The following STAG1 variants were observed in gnomAD, a reference collection of about 807,000 sequenced individuals.
STAG1 encodes the protein STAG1 cohesin complex component, also known as cohesin subunit SA-1.
A neutral mutation model predicts 170.9 loss-of-function variants in STAG1; 26 were observed. The observed-to-expected ratio is 0.15, with a 90% CI of 0.11 to 0.21. STAG1 has a LOEUF of 0.21. Among genes scored for constraint, STAG1 ranks in the 10% least tolerant of loss-of-function variants. The probability of loss-of-function intolerance (pLI) is 1.00; values close to 1 mark genes in which losing one functional copy is unlikely to be tolerated. For synonymous variants in STAG1, 514 were observed against 497.7 expected, an observed-to-expected ratio of 1.03 and a Z score of -0.44; for missense variants, 964 against 1,509.5, an observed-to-expected ratio of 0.64 and a Z score of 5.99.
In STAG1 at chr3:136,392,730, C is replaced by A. The variant is rs183026362; in HGVS notation, c.2277+6019G>T. ...GCAGTGAGCCGAGATTGTGCAACTGCATTCCACCCTGGGTGACAGAGCCAG... is the reference window on the plus strand; with the variant it reads ...GCAGTGAGCCGAGATTGTGCAACTGAATTCCACCCTGGGTGACAGAGCCAG... On this transcript the variant is annotated intron_variant, in intron 22 of 33. Transcript: ENST00000383202. Among the ~76,000 whole-genome samples, 104 of 134,450 alleles carry A rather than the reference C, an allele frequency of 7.7e-4. 1 individual carries two copies. The East Asian group carries it at 0.019, about 24-fold the overall frequency. 88.2% of individuals were successfully genotyped at this position (134,450 alleles called of 152,430 possible).
chr3:136,562,898 T>C (rs2107753809), intron 5 of STAG1, among the ~76,000 whole-genome samples: 1 of 152,336 alleles, frequency 6.6e-6, no homozygotes, highest in East Asian at 1.9e-4. Flanking sequence ...TTTCTGACTA[T>C]TTCATGACAC....
In STAG1 at chr3:136,427,228, C is replaced by CA. The variant is rs1207772784; in HGVS notation, c.1651-4185dup. On this transcript the variant is annotated intron_variant, in intron 16 of 33. Transcript: ENST00000383202. ...TGGGCAACAGAGCGAGACTCCAACTCAAAAAAAAAAAAAAGATATAGTATT... is the reference window on the plus strand; with the variant it reads ...TGGGCAACAGAGCGAGACTCCAACTCAAAAAAAAAAAAAAAGATATAGTATT... Among the ~76,000 whole-genome samples, 430 of 110,046 alleles carry CA rather than the reference C, an allele frequency of 3.9e-3. 3 individuals carry two copies. In the Middle Eastern group the frequency reaches 0.061, roughly 16 times the overall value. The allele number at this position is 110,046 out of a possible 152,430, so 72.2% of individuals were successfully genotyped here. A position where few individuals can be genotyped will look rare whatever the true frequency, so the allele number is the denominator to read the frequency against.
chr3:136,537,777 C>T (rs897989491), intron 6 of STAG1, among the ~76,000 whole-genome samples: 10 of 151,936 alleles, frequency 6.6e-5, no homozygotes, highest in South Asian at 2.1e-4. Flanking sequence ...ATTATAGGTA[C>T]GAGTCACTGC....
At chr3:136,402,128 A>G (rs2087344857) in intron 21 of STAG1, among the ~76,000 whole-genome samples, 1 of 152,186 alleles carries the variant, frequency 6.6e-6, no homozygotes, top group African/African-American at 2.4e-5. Context: ...AAAGGTAAAC[A>G]TATGTAGATA....
intron 4 of STAG1, among the ~76,000 whole-genome samples, chr3:136,584,471 C>T (rs1377709601): frequency 6.6e-6 from 1 of 152,160 alleles, no homozygotes; most frequent in Admixed American, 6.6e-5. Flanking sequence ...GCCTTTAGGA[C>T]CCTTGCCAGG....
chr3:136,443,393 A>G lies in STAG1; in HGVS notation c.1440T>C (p.His480=). 2 of 1,608,462 alleles carry G rather than the reference A, an allele frequency of 1.2e-6. No individual in the cohort carries two copies. The highest frequency in any genetic ancestry group is 1.7e-6 in the Non-Finnish European group (2 of 1,177,804). The change falls in exon 15 of 34, where the codon CAT becomes CAC. Residue 480 remains histidine, a synonymous_variant. Coordinates refer to ENST00000383202, the MANE Select transcript of STAG1 (RefSeq NM_005862.3). ...LFFLESELHE[H]AAYLVDSLWE... ...ATAAACTGTCCACCAAGTAGGCTGC[A>G]TGTTCATGTAACTAAAAAGAAAAAA...
At chr3:136,420,848 C>T (rs948953913) in intron 20 of STAG1, among the ~76,000 whole-genome samples, 1 of 152,220 alleles carries the variant, frequency 6.6e-6, no homozygotes, top group Non-Finnish European at 1.5e-5. Flanking sequence ...GATCTCGGCT[C>T]ACGACAACCC....
chr3:136,582,546 C>T (rs1394187425), intron 4 of STAG1, among the ~76,000 whole-genome samples: 1 of 152,152 alleles, frequency 6.6e-6, no homozygotes, highest in Non-Finnish European at 1.5e-5. Flanking sequence ...CGCCTGTAAT[C>T]CCAGCACTTG....
chr3:136,634,351 T>A (rs55970317), intron 1 of STAG1, among the ~76,000 whole-genome samples: 1 of 151,012 alleles, frequency 6.6e-6, no homozygotes, highest in African/African-American at 2.4e-5. Context: ...GAGACCCTGC[T>A]TCAGCCCCCA....
chr3:136,584,743 T>C (rs1290692071), intron 4 of STAG1, among the ~76,000 whole-genome samples: 2 of 152,216 alleles, frequency 1.3e-5, no homozygotes, highest in Non-Finnish European at 2.9e-5. Context: ...GGATGAAGTT[T>C]TAATATGGAA....
chr3:136,393,177 A>G (rs1381009811), intron 22 of STAG1, among the ~76,000 whole-genome samples: 1 of 152,214 alleles, frequency 6.6e-6, no homozygotes. Context: ...AACATTACAA[A>G]TATTAAATAC....
At chr3:136,614,802 A>C (rs1939498492) in intron 3 of STAG1, among the ~76,000 whole-genome samples, 2 of 152,228 alleles carry the variant, frequency 1.3e-5, no homozygotes, top group Non-Finnish European at 2.9e-5. Context: ...CAAAGATACA[A>C]AAACATTCTT....
intron 1 of STAG1, among the ~76,000 whole-genome samples, chr3:136,717,133 G>GTAT (rs919461083): frequency 2.0e-5 from 3 of 152,142 alleles, no homozygotes; most frequent in African/African-American, 7.2e-5. Context: ...AAACCACAAG[G>GTAT]TATTGTTAAC....
intron 1 of STAG1, among the ~76,000 whole-genome samples, chr3:136,666,293 C>A (rs895219234): frequency 6.6e-6 from 1 of 151,936 alleles, no homozygotes; most frequent in African/African-American, 2.4e-5. Context: ...GCTGCCAACA[C>A]CTCGATTTTG....
chr3:136,737,548 ATTT>A (rs1306946236), intron 1 of STAG1, among the ~76,000 whole-genome samples: 1 of 152,154 alleles, frequency 6.6e-6, no homozygotes, highest in African/African-American at 2.4e-5. Context: ...TTGCCTCTGC[ATTT>A]TATGTTCACT....
At chr3:136,434,275 A>G (rs1349425418) in intron 15 of STAG1, among the ~76,000 whole-genome samples, 1 of 152,182 alleles carries the variant, frequency 6.6e-6, no homozygotes. Context: ...TTGAGAAATC[A>G]TAAGATTATT....
intron 21 of STAG1, among the ~76,000 whole-genome samples, chr3:136,409,927 T>G (rs939145512): frequency 6.6e-6 from 1 of 151,268 alleles, no homozygotes; most frequent in Admixed American, 6.6e-5. Context: ...AAATATTTCT[T>G]TTAAAAAATT....
intron 5 of STAG1, among the ~76,000 whole-genome samples, chr3:136,565,938 T>C (rs1049700123): frequency 1.3e-4 from 20 of 152,150 alleles, no homozygotes; most frequent in African/African-American, 4.8e-4. Flanking sequence ...AGGTGACATA[T>C]GGTGTGGTTC....
intron 1 of STAG1, among the ~76,000 whole-genome samples, chr3:136,711,956 G>A (rs549166699): frequency 1.3e-5 from 2 of 152,026 alleles, no homozygotes; most frequent in Non-Finnish European, 2.9e-5. Flanking sequence ...TTTTAAAACA[G>A]AACACAAAAA....
Sources: allele counts gnomAD v4.1 joint callset (sites outside exome capture counted in the v4.1 genomes callset), GRCh38; gene constraint gnomAD v4.1.1; transcripts MANE v1.5; gene names NCBI Gene and HGNC (gene_info 2026-07-23, HGNC 2026-07-21).